Variants in CAMKV observed in about 807,000 individuals in gnomAD.
The protein encoded by CAMKV is CaM kinase like vesicle associated, also known as caM kinase-like vesicle-associated protein.
A neutral mutation model predicts 50.2 loss-of-function variants in CAMKV; 5 were observed. The observed-to-expected ratio is 0.10, with a 90% CI of 0.05 to 0.21. The LOEUF (loss-of-function observed/expected upper bound fraction) is 0.21. Among genes scored for constraint, CAMKV ranks in the 10% least tolerant of loss-of-function variants. The pLI is 1.00. For synonymous variants in CAMKV, 229 were observed against 250.1 expected (o/e 0.92, Z 0.80); for missense variants, 361 against 650.5 (o/e 0.55, Z 4.84).
In CAMKV at chr3:49,862,483, A is replaced by G. The variant is rs1429291703; in HGVS notation, c.-14-81T>C. 18 of 1,296,968 alleles carry G rather than the reference A, an allele frequency of 1.4e-5. No homozygotes were observed. The highest frequency in any genetic ancestry group is 2.0e-5 in the Non-Finnish European group (18 of 896,000). The allele number at this position is 1,296,968 out of a possible 1,614,324, so 80.3% of individuals were successfully genotyped here. On this transcript the variant is annotated intron_variant, in intron 1 of 10. Coordinates refer to ENST00000477224, the MANE Select transcript of CAMKV (RefSeq NM_024046.5). The surrounding 1 kb of genome is among the most constrained non-coding windows in gnomAD (Gnocchi z 5.2). ...TAGGGGCTGCTTTTGGGAGACCCCA[A>G]CCTGGCTCAGGCCAAGCTAGGGGCA...
In CAMKV at chr3:49,861,133, A is replaced by G. The variant is rs761036215; in HGVS notation, c.562+47T>C. Reference sequence around the variant, plus strand: ...CCCCCTGCCCAGAGCAGCTCCCTGAAGGCTGCCCCCCATTATCCCCCTGCC... The same window carrying G: ...CCCCCTGCCCAGAGCAGCTCCCTGAGGGCTGCCCCCCATTATCCCCCTGCC... On this transcript the variant is annotated intron_variant, in intron 6 of 10. Coordinates refer to ENST00000477224, the MANE Select transcript of CAMKV (RefSeq NM_024046.5). The surrounding 1 kb of genome is among the most constrained non-coding windows in gnomAD (Gnocchi z 7.7). 2 of 1,585,402 alleles carry G rather than the reference A, an allele frequency of 1.3e-6. No homozygotes were observed. Among genetic ancestry groups the G allele is most frequent in the African/African-American group, 2.7e-5 (2 of 74,546 alleles).
At position 49,859,919 on chromosome 3, in the gene CAMKV, C is replaced by T. The variant is rs1367443164; in HGVS notation, c.943-38G>A. 6.7e-7 allele frequency: 1 copy of T among 1,496,736 alleles called. No homozygotes were observed. The highest frequency in any genetic ancestry group is 2.2e-5 in the Admixed American group (1 of 44,756). 92.7% of individuals were successfully genotyped at this position (1,496,736 alleles called of 1,614,324 possible). On this transcript the variant is annotated intron_variant, in intron 10 of 10. Coordinates refer to ENST00000477224, the MANE Select transcript of CAMKV (RefSeq NM_024046.5). The surrounding 1 kb of genome is among the most constrained non-coding windows in gnomAD (Gnocchi z 5.5). Reference sequence around the variant, plus strand: ...CAGTGGAGAAAGGCTAAGGGTGAGGCTTGCTGGATCCATTGCTTGGCAGTG... The same window carrying T: ...CAGTGGAGAAAGGCTAAGGGTGAGGTTTGCTGGATCCATTGCTTGGCAGTG...
intron 1 of CAMKV, among the ~76,000 whole-genome samples, chr3:49,864,457 G>A (rs1477226005): frequency 1.3e-5 from 2 of 152,138 alleles, no homozygotes; most frequent in Admixed American, 6.5e-5. Context: ...CCTGGGGCAC[G>A]GTGTCCCACA....
chr3:49,866,633 T>C (rs1279469564), intron 1 of CAMKV, among the ~76,000 whole-genome samples: 1 of 152,122 alleles, frequency 6.6e-6, no homozygotes, highest in Non-Finnish European at 1.5e-5. Context: ...CAGCTGGCTC[T>C]CATGGAGCCT....
At chr3:49,866,732 C>G (rs1446275370) in intron 1 of CAMKV, among the ~76,000 whole-genome samples, 1 of 152,216 alleles carries the variant, frequency 6.6e-6, no homozygotes, top group African/African-American at 2.4e-5. Context: ...CTGAGGGGTC[C>G]TCTGTTGGTG....
Position 49,861,906 on chromosome 3 carries a change from A to G in CAMKV, c.228-41T>C, listed in dbSNP as rs564954768. ...GGAGCCAGTAGTTAGGGCTGGATGA[A>G]CCCCTGGGAGAGGCTGTGGTCACCA... is the stretch of plus-strand genomic sequence containing the variant. On this transcript the variant is annotated intron_variant, in intron 3 of 10. Coordinates refer to ENST00000477224, the MANE Select transcript of CAMKV (RefSeq NM_024046.5). The surrounding 1 kb of genome is among the most constrained non-coding windows in gnomAD (Gnocchi z 7.7). 6.2e-7 allele frequency: 1 copy of G among 1,610,872 alleles called. No individual in the cohort carries two copies. The highest frequency in any genetic ancestry group is 1.1e-5 in the South Asian group (1 of 90,758).
At position 49,860,406 on chromosome 3, in the gene CAMKV, A is replaced by G. The variant is rs2082010804; in HGVS notation, c.854+65T>C. 3 of 1,578,408 alleles carry G rather than the reference A, an allele frequency of 1.9e-6. No individual in the cohort carries two copies. The highest frequency in any genetic ancestry group is 2.6e-6 in the Non-Finnish European group (3 of 1,152,532). On this transcript the variant is annotated intron_variant, in intron 9 of 10. Coordinates refer to ENST00000477224, the MANE Select transcript of CAMKV (RefSeq NM_024046.5). This position sits in a 1 kb window ranked among gnomAD's most constrained non-coding sequence, Gnocchi z 6.1. ...GTACCTGCACCCCTTCCAGGCCTCA[A>G]AGATGGGGCTGCTGGGTGTGAGGGG...
rs1298209147 is a variant in CAMKV at position 49,862,849 on chromosome 3, G to A, written c.-14-447C>T. Among the ~76,000 whole-genome samples the A allele has an allele frequency of 6.6e-6, 1 of 152,180 alleles. No individual in the cohort carries two copies. Among genetic ancestry groups the A allele is most frequent in the African/African-American group, 2.4e-5 (1 of 41,430 alleles). On this transcript the variant is annotated intron_variant, in intron 1 of 10. Transcript: ENST00000477224. The surrounding 1 kb of genome is among the most constrained non-coding windows in gnomAD (Gnocchi z 5.2). ...GAGAGGGCAAACTCCCCTTTGTAAAGCAGTTTGGTAAAACCACTAAAGTCA... is the reference window on the plus strand; with the variant it reads ...GAGAGGGCAAACTCCCCTTTGTAAAACAGTTTGGTAAAACCACTAAAGTCA...
At chr3:49,864,649 C>T (rs1014125754) in intron 1 of CAMKV, among the ~76,000 whole-genome samples, 1 of 152,190 alleles carries the variant, frequency 6.6e-6, no homozygotes, top group African/African-American at 2.4e-5. Context: ...CAGTGTGACA[C>T]TGGGGCTACA....
At position 49,861,735 on chromosome 3, in the gene CAMKV, G is replaced by C; in HGVS notation, c.302+56C>G. 14 of 1,601,254 alleles carry C rather than the reference G, an allele frequency of 8.7e-6. No homozygotes were observed. Among genetic ancestry groups the C allele is most frequent in the African/African-American group, 1.3e-5 (1 of 74,778 alleles). On this transcript the variant is annotated intron_variant, in intron 4 of 10. Transcript: ENST00000477224. This position sits in a 1 kb window ranked among gnomAD's most constrained non-coding sequence, Gnocchi z 7.7. ...GGGGTTTCCTTAGCTGCAGAGGGTGGGACAGGTGAAAGCCCTGGGCGCTGG... is the reference window on the plus strand; with the variant it reads ...GGGGTTTCCTTAGCTGCAGAGGGTGCGACAGGTGAAAGCCCTGGGCGCTGG...
In CAMKV at chr3:49,862,783, A is replaced by T. The variant is rs937553606; in HGVS notation, c.-14-381T>A. The stretch of plus-strand genomic sequence containing the variant: ...AGTCATCTCTGAAGGTCTAGAGCTA[A>T]CAAGTGTTAGTGGATATATGAAGAA... On this transcript the variant is annotated intron_variant, in intron 1 of 10. Transcript: ENST00000477224. This position sits in a 1 kb window ranked among gnomAD's most constrained non-coding sequence, Gnocchi z 5.2. Among the ~76,000 whole-genome samples, 2 of 152,246 alleles carry T rather than the reference A, an allele frequency of 1.3e-5. No individual in the cohort carries two copies. The highest frequency in any genetic ancestry group is 1.3e-4 in the Admixed American group (2 of 15,280).
chr3:49,860,001 A>G lies in CAMKV; in HGVS notation c.943-120T>C. ...GCCACCTCCATCCACCCCAGGGCCA[A>G]GTACTCAGCTGCTCAGCACTCCTAC... is the stretch of plus-strand genomic sequence containing the variant. On this transcript the variant is annotated intron_variant, in intron 10 of 10. Coordinates refer to ENST00000477224, the MANE Select transcript of CAMKV (RefSeq NM_024046.5). The surrounding 1 kb of genome is among the most constrained non-coding windows in gnomAD (Gnocchi z 6.1). 9.2e-7 allele frequency: 1 copy of G among 1,087,610 alleles called. No individual in the cohort carries two copies. Among genetic ancestry groups the G allele is most frequent in the Non-Finnish European group, 1.3e-6 (1 of 765,382 alleles). The allele number at this position is 1,087,610 out of a possible 1,614,324, so 67.4% of individuals were successfully genotyped here.
intron 1 of CAMKV, among the ~76,000 whole-genome samples, chr3:49,864,747 G>C (rs557785412): frequency 6.6e-6 from 1 of 152,232 alleles, no homozygotes; most frequent in East Asian, 1.9e-4. Flanking sequence ...CACTTGCTGT[G>C]TGCAGGGCCT....
intron 1 of CAMKV, among the ~76,000 whole-genome samples, chr3:49,866,308 C>T (rs2082065362): frequency 6.6e-6 from 1 of 152,178 alleles, no homozygotes; most frequent in South Asian, 2.1e-4. Flanking sequence ...CTGCTTGCAA[C>T]AAAGGAGACC....
rs1335547673 is a variant in CAMKV, at chr3:49,862,074, A to C, written c.198T>G (p.Ala66=). 5 of 1,613,988 alleles carry C rather than the reference A, an allele frequency of 3.1e-6. No homozygotes were observed. The Admixed American group carries it at 8.3e-5, about 27-fold the overall frequency. The change falls in exon 3 of 11, where the codon GCT becomes GCG. Residue 66 remains alanine, a synonymous_variant. Transcript: ENST00000477224. This position sits in a 1 kb window ranked among gnomAD's most constrained non-coding sequence, Gnocchi z 5.2. ...TGAGGATGCCTATCTCGTTCTTGGC[A>C]GCTTTCCGCACCTTGCGGCCGTCCC... ...QKRDGRKVRK[A]AKNEIGILKM...
In CAMKV at chr3:49,861,476, T is replaced by C; in HGVS notation, c.404A>G (p.Tyr135Cys). The part of the protein sequence containing the change: ...VVRQVLEAVA[Y>C]LHSLKIVHRN... ...GTGCACGATCTTGAGTGAGTGCAAATAGGCCACGGCCTCCAGGACTTGCCG... is the reference window on the plus strand; with the variant it reads ...GTGCACGATCTTGAGTGAGTGCAAACAGGCCACGGCCTCCAGGACTTGCCG... The change falls in exon 5 of 11, where the codon TAT (tyrosine) becomes TGT (cysteine). Residue 135 changes from tyrosine (Y) to cysteine (C), a missense_variant. Physicochemically the swap from Tyr to Cys is radical, Grantham distance 194. Transcript: ENST00000477224. The surrounding 1 kb of genome is among the most constrained non-coding windows in gnomAD (Gnocchi z 7.7). 6.2e-7 allele frequency: 1 copy of C among 1,614,156 alleles called. No homozygotes were observed. The highest frequency in any genetic ancestry group is 8.5e-7 in the Non-Finnish European group (1 of 1,180,034).
Position 49,869,088 on chromosome 3 carries a change from T to C in CAMKV, c.-15+670A>G, listed in dbSNP as rs1022229535. 2.6e-5 allele frequency among the ~76,000 whole-genome samples: 4 copies of C among 152,204 alleles called. No homozygotes were observed. The highest frequency in any genetic ancestry group is 7.2e-5 in the African/African-American group (3 of 41,458). ...CCCTGACCCCTTTCCCAAGTGCTGC[T>C]GGCTCGCCCCCGCTGGCACAGCAAC... On this transcript the variant is annotated intron_variant, in intron 1 of 10. Transcript: ENST00000477224. The surrounding 1 kb of genome is among the most constrained non-coding windows in gnomAD (Gnocchi z 5.2).
rs758631880 is a variant in CAMKV at position 49,860,290 on chromosome 3, G to A, written c.855-32C>T. On this transcript the variant is annotated intron_variant, in intron 9 of 10. Transcript: ENST00000477224. The surrounding 1 kb of genome is among the most constrained non-coding windows in gnomAD (Gnocchi z 6.1). ...AGGGTGCAAGTGTGTCTGGATCTGA[G>A]AGAATGAGCCTTTGTGGAGACTCTG... 3.1e-6 allele frequency: 5 copies of A among 1,603,612 alleles called. No homozygotes were observed. The highest frequency in any genetic ancestry group is 1.7e-4 in the Middle Eastern group (1 of 6,042).
chr3:49,864,883 G>C (rs955926528), intron 1 of CAMKV, among the ~76,000 whole-genome samples: 2 of 152,298 alleles, frequency 1.3e-5, no homozygotes, highest in East Asian at 1.9e-4. Context: ...CAAAGTCAAA[G>C]ACCAGGACCC....
Sources: gnomAD v4.1 joint callset for allele counts (sites outside exome capture counted in the v4.1 genomes callset) on GRCh38, gnomAD v4.1.1 for gene constraint, Gnocchi (gnomAD v3.1) non-coding constraint, MANE v1.5 for transcripts, NCBI Gene and HGNC (gene_info 2026-07-23, HGNC 2026-07-21) for gene names.